The following MMP16 variants were observed in gnomAD, a reference collection of about 807,000 sequenced individuals.
MMP16 encodes the protein matrix metallopeptidase 16, also known as matrix metalloproteinase-16.
MMP16 carries 12 observed loss-of-function variants against 67.8 expected under a neutral mutation model. The observed-to-expected ratio is 0.18, with a 90% CI of 0.11 to 0.29. MMP16 has a LOEUF of 0.29. Ranked by LOEUF, MMP16 falls within the 10% of genes least tolerant of loss-of-function variation. The pLI is 1.00. For missense variants in MMP16, 475 were observed against 765.7 expected, an observed-to-expected ratio of 0.62 and a Z score of 4.48; for synonymous variants, 249 against 255.9, an observed-to-expected ratio of 0.97 and a Z score of 0.26.
At chr8:88,232,248 T>G (rs1383594155) in intron 1 of MMP16, among the ~76,000 whole-genome samples, 1 of 152,150 alleles carries the variant, frequency 6.6e-6, no homozygotes, top group Non-Finnish European at 1.5e-5. Context: ...GAAATTCGGT[T>G]TTACATCTTT....
In MMP16 at chr8:88,142,062, G is replaced by A. The variant is rs547870808; in HGVS notation, c.710-23201C>T. Among the ~76,000 whole-genome samples the A allele has an allele frequency of 1.3e-4, 20 of 151,682 alleles. No individual in the cohort carries two copies. In the South Asian group the frequency reaches 1.7e-3, roughly 13 times the overall value. ...CCTCCCAAGTAGCTGGGACTTAGGCGCACAGCTAATTTTTTTTTTTGTATT... is the reference window on the plus strand; with the variant it reads ...CCTCCCAAGTAGCTGGGACTTAGGCACACAGCTAATTTTTTTTTTTGTATT... On this transcript the variant is annotated intron_variant, in intron 4 of 9. Transcript: ENST00000286614.
chr8:88,283,165 T>C (rs926867945), intron 1 of MMP16, among the ~76,000 whole-genome samples: 3 of 152,228 alleles, frequency 2.0e-5, no homozygotes, highest in African/African-American at 7.2e-5. Flanking sequence ...TCTCCTGTTC[T>C]TTAACATAGT....
chr8:88,298,427 T>C (rs1048160581), intron 1 of MMP16, among the ~76,000 whole-genome samples: 1 of 152,064 alleles, frequency 6.6e-6, no homozygotes, highest in Non-Finnish European at 1.5e-5. Flanking sequence ...GAAAAAGAAA[T>C]GGAAAACATG....
intron 1 of MMP16, among the ~76,000 whole-genome samples, chr8:88,323,504 A>G (rs1440290288): frequency 6.6e-6 from 1 of 152,134 alleles, no homozygotes; most frequent in Non-Finnish European, 1.5e-5. Context: ...CAACAAAATC[A>G]ATTTTTGCCT....
chr8:88,106,854 T>C (rs1809250785), intron 6 of MMP16, among the ~76,000 whole-genome samples: 1 of 151,176 alleles, frequency 6.6e-6, no homozygotes, highest in African/African-American at 2.4e-5. Flanking sequence ...TGTGTATTGC[T>C]TTTCAAGTTG....
At chr8:88,095,703 T>C (rs962842013) in intron 6 of MMP16, among the ~76,000 whole-genome samples, 1 of 151,950 alleles carries the variant, frequency 6.6e-6, no homozygotes, top group Admixed American at 6.6e-5. Context: ...CCATGCCTGA[T>C]TATCTAATGA....
At chr8:88,279,540 C>T (rs1810700416) in intron 1 of MMP16, among the ~76,000 whole-genome samples, 1 of 152,120 alleles carries the variant, frequency 6.6e-6, no homozygotes, top group Admixed American at 6.6e-5. Context: ...GCTAAATTGT[C>T]ACTGCATTGT....
intron 1 of MMP16, among the ~76,000 whole-genome samples, chr8:88,254,545 T>C (rs1183642790): frequency 2.6e-5 from 4 of 151,726 alleles, no homozygotes; most frequent in Non-Finnish European, 5.9e-5. Flanking sequence ...GCCACATGCA[T>C]GGCAAAATGC....
At chr8:88,127,785 T>G (rs1807959210) in intron 4 of MMP16, among the ~76,000 whole-genome samples, 1 of 151,864 alleles carries the variant, frequency 6.6e-6, no homozygotes, top group Non-Finnish European at 1.5e-5. Flanking sequence ...TAGCAGGAAA[T>G]GGTACAAAAG....
chr8:88,194,051 T>A (rs1406622393), intron 2 of MMP16, among the ~76,000 whole-genome samples: 2 of 152,006 alleles, frequency 1.3e-5, no homozygotes, highest in African/African-American at 4.8e-5. Flanking sequence ...TGATCTCTAA[T>A]ACCATTGTTA....
At chr8:88,228,480 G>GA (rs1450843094) in intron 1 of MMP16, among the ~76,000 whole-genome samples, 1 of 151,840 alleles carries the variant, frequency 6.6e-6, no homozygotes, top group African/African-American at 2.4e-5. Context: ...AAAATATCAG[G>GA]AAAAATATAT....
chr8:88,327,248 T>TTCTCCCTC lies in MMP16; in HGVS notation c.-50_-43dup. 3 of 1,611,036 alleles carry TTCTCCCTC rather than the reference T, an allele frequency of 1.9e-6. No individual in the cohort carries two copies. The South Asian group carries it at 3.3e-5, about 18-fold the overall frequency. ...ATGGATGGACGAGCTCCCCTTCGTTTTCTCCCTCTCTCCCTCTCCCTCCCT... is the reference window on the plus strand; with the variant it reads ...ATGGATGGACGAGCTCCCCTTCGTTTTCTCCCTCTCTCCCTCTCTCCCTCTCCCTCCCT... On this transcript the variant is annotated 5_prime_UTR_variant, in exon 1 of 10. Coordinates refer to ENST00000286614, the MANE Select transcript of MMP16 (RefSeq NM_005941.5).
At chr8:88,215,063 C>G (rs1366219129) in intron 1 of MMP16, among the ~76,000 whole-genome samples, 1 of 152,180 alleles carries the variant, frequency 6.6e-6, no homozygotes, top group Non-Finnish European at 1.5e-5. Context: ...GGCGCTGTGG[C>G]TCACGCCTGT....
At chr8:88,069,614 A>G (rs917286469) in intron 7 of MMP16, 1 of 447,514 alleles carries the variant, frequency 2.2e-6, no homozygotes, top group African/African-American at 2.2e-5. Flanking sequence ...CTAATTATAG[A>G]AAATTTAGGT....
At chr8:88,102,521 G>T (rs1022398795) in intron 6 of MMP16, among the ~76,000 whole-genome samples, 16 of 151,792 alleles carry the variant, frequency 1.1e-4, no homozygotes, top group Admixed American at 7.2e-4. Context: ...GTCCATTTTG[G>T]TTTTTATGGT....
At position 88,292,672 on chromosome 8, in the gene MMP16, A is replaced by C. The variant is rs28986494; in HGVS notation, c.132+34403T>G. Among the ~76,000 whole-genome samples, 4 of 152,336 alleles carry C rather than the reference A, an allele frequency of 2.6e-5. No individual in the cohort carries two copies. The East Asian group carries it at 7.7e-4, about 29-fold the overall frequency. On this transcript the variant is annotated intron_variant, in intron 1 of 9. Transcript: ENST00000286614. ...AGTTGTATCTAGCATCCGGATAATT[A>C]AACAGTTTTTTCACTCACTAGTATT...
intron 6 of MMP16, 36 bp downstream of exon 6, chr8:88,116,471 T>A (rs1193286221): frequency 1.3e-6 from 2 of 1,552,004 alleles, no homozygotes; most frequent in Non-Finnish European, 1.8e-6. Flanking sequence ...AGACACTTGA[T>A]CTACTGTTAA....
At chr8:88,278,644 G>A (rs1231405689) in intron 1 of MMP16, among the ~76,000 whole-genome samples, 1 of 152,128 alleles carries the variant, frequency 6.6e-6, no homozygotes, top group Non-Finnish European at 1.5e-5. Context: ...GAAGCATGAA[G>A]AGGATTTTGT....
At chr8:88,204,764 T>G (rs1289641771) in intron 1 of MMP16, among the ~76,000 whole-genome samples, 2 of 152,148 alleles carry the variant, frequency 1.3e-5, no homozygotes, top group African/African-American at 4.8e-5. Context: ...AAGAAGCTAT[T>G]TCCTTAAATT....
Sources: gnomAD v4.1 joint callset for allele counts (sites outside exome capture counted in the v4.1 genomes callset) on GRCh38, gnomAD v4.1.1 for gene constraint, MANE v1.5 for transcripts, NCBI Gene and HGNC (gene_info 2026-07-23, HGNC 2026-07-21) for gene names.